Variants in NUMB observed in about 807,000 individuals in gnomAD.
The protein encoded by NUMB is NUMB endocytic adaptor protein.
Under a neutral mutation model 59.7 loss-of-function variants are expected in NUMB, and 29 were observed. The observed-to-expected ratio is 0.49, with a 90% CI of 0.36 to 0.66. The LOEUF is 0.66. Ranked by LOEUF, NUMB falls within the 30% of genes least tolerant of loss-of-function variation. The pLI is 0.00. For missense variants in NUMB, 723 were observed against 822.0 expected (o/e 0.88, Z 1.47); for synonymous variants, 288 against 288.2 (o/e 1.00, Z 0.01).
At chr14:73,426,098 C>T (rs1233246687) in intron 1 of NUMB, among the ~76,000 whole-genome samples, 1 of 152,110 alleles carries the variant, frequency 6.6e-6, no homozygotes, top group Non-Finnish European at 1.5e-5. Context: ...ACATGAGCCA[C>T]CGTGCCCAGC....
chr14:73,394,405 T>A (rs1470955540), intron 2 of NUMB, among the ~76,000 whole-genome samples: 6 of 137,422 alleles, frequency 4.4e-5, no homozygotes, highest in African/African-American at 8.0e-5. Flanking sequence ...CAGTTTTCTT[T>A]AAAAAAAAAA....
chr14:73,344,894 C>A (rs1381986758), intron 4 of NUMB, among the ~76,000 whole-genome samples: 5 of 152,070 alleles, frequency 3.3e-5, no homozygotes, highest in Non-Finnish European at 7.4e-5. Context: ...AAAAATAATA[C>A]CAGCATTAAA....
At chr14:73,318,843 T>G (rs1439429068) in intron 5 of NUMB, among the ~76,000 whole-genome samples, 1 of 150,286 alleles carries the variant, frequency 6.7e-6, no homozygotes, top group African/African-American at 2.5e-5. Flanking sequence ...TGTTTAGTTA[T>G]AATATTTTTT....
At chr14:73,406,554 T>C (rs1896681772) in intron 2 of NUMB, among the ~76,000 whole-genome samples, 2 of 152,124 alleles carry the variant, frequency 1.3e-5, no homozygotes, top group African/African-American at 4.8e-5. Context: ...GCAATAAACA[T>C]ACATGTACAT....
intron 4 of NUMB, among the ~76,000 whole-genome samples, chr14:73,342,241 T>A (rs1226981592): frequency 6.6e-6 from 1 of 152,222 alleles, no homozygotes. Context: ...GAGCAAATTA[T>A]GATGTTTGCC....
intron 2 of NUMB, among the ~76,000 whole-genome samples, chr14:73,370,273 C>G (rs902171445): frequency 3.9e-5 from 6 of 152,096 alleles, no homozygotes; most frequent in Non-Finnish European, 8.8e-5. Flanking sequence ...CCTAAGAAAA[C>G]TTACTAAATA....
chr14:73,297,582 G>A, intron 6 of NUMB: 1 of 224,472 alleles, frequency 4.5e-6, no homozygotes, highest in Non-Finnish European at 8.7e-6. Context: ...AAAGGGCAAA[G>A]AATTCATAAC....
intron 2 of NUMB, among the ~76,000 whole-genome samples, chr14:73,383,176 G>C (rs1895333825): frequency 6.6e-6 from 1 of 151,930 alleles, no homozygotes; most frequent in South Asian, 2.1e-4. Context: ...AGATCAAATG[G>C]GGATCCAGGG....
At chr14:73,405,785 T>C (rs575034875) in intron 2 of NUMB, among the ~76,000 whole-genome samples, 22 of 140,658 alleles carry the variant, frequency 1.6e-4, no homozygotes, top group African/African-American at 5.5e-4. Context: ...TCTGTTGTTT[T>C]GGGTTTTTTT....
At chr14:73,322,499 G>C (rs150708825) in intron 5 of NUMB, among the ~76,000 whole-genome samples, 41 of 152,236 alleles carry the variant, frequency 2.7e-4, no homozygotes, top group African/African-American at 9.9e-4. Context: ...TGGGGAGTAG[G>C]AGTCAAGGTA....
Position 73,309,718 on chromosome 14 carries a change from TATAATAATAATA to T in NUMB, c.234+6660_234+6671del, listed in dbSNP as rs199953380. ...TGCACATATATCCCAGAACTTAAGG[TATAATAATAATA>T]ATAATAATAATAATAATAATAATAA... On this transcript the variant is annotated intron_variant, in intron 6 of 12. Transcript: ENST00000555238. Among the ~76,000 whole-genome samples, 1,015 of 137,222 alleles carry T rather than the reference TATAATAATAATA, an allele frequency of 7.4e-3. 4 individuals are homozygous for T. The highest frequency in any genetic ancestry group is 0.033 in the South Asian group (138 of 4,194). 90.0% of individuals were successfully genotyped at this position (137,222 alleles called of 152,430 possible).
chr14:73,276,738 G>A lies in NUMB; in HGVS notation c.1796C>T (p.Ser599Leu). 6.2e-7 allele frequency: 1 copy of A among 1,614,008 alleles called. No individual in the cohort carries two copies. Among genetic ancestry groups the A allele is most frequent in the Non-Finnish European group, 8.5e-7 (1 of 1,179,980 alleles). ...FNGVDDGRLA[S>L]ADRHTEVPTG... ...AGGAACCTCTGTATGCCTGTCTGCT[G>A]AGGCCAACCTGCCATCATCTACACC... is the stretch of plus-strand genomic sequence containing the variant. Residue 599 changes from serine (S) to leucine (L), a missense_variant, in exon 13 of 13, where the codon TCA (serine) becomes TTA (leucine). By Grantham distance (145) the Ser-to-Leu change is moderately radical. Coordinates refer to ENST00000555238, the MANE Select transcript of NUMB (RefSeq NM_001005743.2).
intron 2 of NUMB, among the ~76,000 whole-genome samples, chr14:73,386,864 CTTATTTTTTT>C (rs1437366515): frequency 4.1e-5 from 3 of 73,822 alleles, no homozygotes; most frequent in East Asian, 8.1e-4. Context: ...TATCAGGTGT[CTTATTTTTTT>C]TTTTTTTTTT....
chr14:73,394,525 A>G (rs1450173040), intron 2 of NUMB, among the ~76,000 whole-genome samples: 1 of 152,016 alleles, frequency 6.6e-6, no homozygotes, highest in African/African-American at 2.4e-5. Flanking sequence ...CCTCTGGCCT[A>G]TGCCTCCTGA....
chr14:73,299,208 G>A (rs142907567), intron 6 of NUMB: 77 of 152,280 alleles, frequency 5.1e-4, no homozygotes, highest in African/African-American at 1.8e-3. Context: ...AATGGGAAAG[G>A]CGTAATGGGA....
intron 9 of NUMB, 133 bp downstream of exon 9, chr14:73,286,977 A>C: frequency 1.2e-6 from 1 of 855,078 alleles, no homozygotes; most frequent in Non-Finnish European, 1.9e-6. Flanking sequence ...TAAGATTTTC[A>C]ACTTTGTTAT....
At chr14:73,337,098 G>T (rs987676903) in intron 4 of NUMB, among the ~76,000 whole-genome samples, 1 of 151,212 alleles carries the variant, frequency 6.6e-6, no homozygotes, top group Admixed American at 6.6e-5. Flanking sequence ...CGGGCGTGGT[G>T]GTGCCTGCCT....
chr14:73,361,691 T>A (rs1186825600), intron 3 of NUMB, among the ~76,000 whole-genome samples: 5 of 152,114 alleles, frequency 3.3e-5, no homozygotes, highest in East Asian at 3.9e-4. Context: ...CTCCCATCAA[T>A]TGTTAATTAA....
chr14:73,305,932 C>G (rs1207952292), intron 6 of NUMB, among the ~76,000 whole-genome samples: 1 of 152,062 alleles, frequency 6.6e-6, no homozygotes, highest in Non-Finnish European at 1.5e-5. Flanking sequence ...CAGAGGAAAC[C>G]CAGCTTCATT....
Sources: allele counts gnomAD v4.1 joint callset (sites outside exome capture counted in the v4.1 genomes callset), GRCh38; gene constraint gnomAD v4.1.1; transcripts MANE v1.5; gene names NCBI Gene and HGNC (gene_info 2026-07-23, HGNC 2026-07-21).